The following SCN4B variants were observed in gnomAD, a reference collection of about 807,000 sequenced individuals.
SCN4B encodes the protein sodium channel regulatory subunit beta-4.
A neutral mutation model predicts 19.6 loss-of-function variants in SCN4B; 20 were observed. The ratio of observed to expected loss-of-function variants is 1.02; its 90% CI spans 0.72 to 1.48. SCN4B has a LOEUF of 1.48. SCN4B is among the 40% of genes most tolerant of loss of function. SCN4B has a pLI of 0.00. For missense variants in SCN4B, 271 were observed against 287.5 expected (o/e 0.94, Z 0.42); for synonymous variants, 127 against 122.8 (o/e 1.03, Z -0.22).
chr11:118,152,563 T>C, intron 1 of SCN4B, 50 bp downstream of exon 1: 1 of 1,496,778 alleles, frequency 6.7e-7, no homozygotes, highest in South Asian at 1.1e-5. Flanking sequence ...TGTCCCCTTC[T>C]TTGGGGGTGG....
At chr11:118,152,534 A>T (rs1420418138) in intron 1 of SCN4B, 79 bp downstream of exon 1, 1 of 1,254,324 alleles carries the variant, frequency 8.0e-7, no homozygotes, top group Admixed American at 1.8e-5. Flanking sequence ...ACCCCATCCA[A>T]GGCATCTTCC....
In SCN4B at chr11:118,135,937, C is replaced by A; in HGVS notation, c.*1090G>T. On this transcript the variant is annotated 3_prime_UTR_variant, in exon 5 of 5. Transcript: ENST00000324727. ...GAAGCAGCTGGGAAACCCAAGGACC[C>A]CCTCATCCAAAGGAAGAGAGTCCCT... The A allele has an allele frequency of 2.2e-6, 1 of 454,352 alleles. No homozygotes were observed. Among genetic ancestry groups the A allele is most frequent in the Non-Finnish European group, 4.4e-6 (1 of 226,726 alleles). The allele number at this position is 454,352 out of a possible 1,614,324, so 28.1% of individuals were successfully genotyped here. A position where few individuals can be genotyped will look rare whatever the true frequency, so the allele number is the denominator to read the frequency against.
chr11:118,145,456 C>T (rs1320463504), intron 1 of SCN4B: 13 of 1,462,918 alleles, frequency 8.9e-6, no homozygotes, highest in Non-Finnish European at 1.1e-5. Flanking sequence ...AGGGAGTAGC[C>T]CTTGTTGCGC....
At position 118,144,077 on chromosome 11, in the gene SCN4B, A is replaced by G. The variant is rs750968930; in HGVS notation, c.235-16T>C. On this transcript the variant is annotated splice_polypyrimidine_tract_variant and intron_variant, in intron 2 of 4. Coordinates refer to ENST00000324727, the MANE Select transcript of SCN4B (RefSeq NM_174934.4). ...CCTCTATGAGCTGGTGGAGGAAGGG[A>G]GTTGGGGTGAGAAAGTAGCCGAGAA... 1.3e-6 allele frequency: 2 copies of G among 1,559,264 alleles called. No individual in the cohort carries two copies. The highest frequency in any genetic ancestry group is 2.2e-5 in the South Asian group (2 of 90,018).
At chr11:118,145,601 G>C in intron 1 of SCN4B, 1 of 547,208 alleles carries the variant, frequency 1.8e-6, no homozygotes, top group Non-Finnish European at 2.8e-6. Context: ...ACTCCAGGAC[G>C]CGCAGGGCGG....
Position 118,152,796 on chromosome 11 carries a change from G to C in SCN4B, c.-123C>G. The C allele has an allele frequency of 2.9e-6, 2 of 700,234 alleles. No individual in the cohort carries two copies. The highest frequency in any genetic ancestry group is 2.3e-6 in the Non-Finnish European group (1 of 444,354). The allele number at this position is 700,234 out of a possible 1,614,324, so 43.4% of individuals were successfully genotyped here. A position where few individuals can be genotyped will look rare whatever the true frequency, so the allele number is the denominator to read the frequency against. On this transcript the variant is annotated 5_prime_UTR_variant, in exon 1 of 5. Transcript: ENST00000324727. ...CCCGGAGCTCTGCGCCGCCGGTCGG[G>C]GCTCGGGAAAGTTAGCGGGCAGAGA...
intron 1 of SCN4B, among the ~76,000 whole-genome samples, chr11:118,149,191 T>C (rs642936): frequency 0.43 from 64,858 of 152,042 alleles, 13,988 homozygotes; most frequent in African/African-American, 0.49. Context: ...GCAGCTACCA[T>C]ATATCCCAAG....
At chr11:118,149,089 G>C (rs1388786940) in intron 1 of SCN4B, among the ~76,000 whole-genome samples, 1 of 152,102 alleles carries the variant, frequency 6.6e-6, no homozygotes, top group Non-Finnish European at 1.5e-5. Flanking sequence ...TTTTGTCTGA[G>C]GACTGACTCA....
chr11:118,145,492 C>T (rs908300517), intron 1 of SCN4B: 63 of 1,382,670 alleles, frequency 4.6e-5, no homozygotes, highest in Non-Finnish European at 5.7e-5. Context: ...GGGGTCACCC[C>T]AACCCAAGGA....
At position 118,134,976 on chromosome 11, in the gene SCN4B, T is replaced by G. The variant is rs536296339; in HGVS notation, c.*2051A>C. 1.5e-5 allele frequency: 7 copies of G among 454,008 alleles called. No homozygotes were observed. The highest frequency in any genetic ancestry group is 1.0e-4 in the African/African-American group (5 of 50,096). 28.1% of individuals were successfully genotyped at this position (454,008 alleles called of 1,614,324 possible). On this transcript the variant is annotated 3_prime_UTR_variant, in exon 5 of 5. Transcript: ENST00000324727. ...GGGGAGGAAAGAGAGGATGGTGCCC[T>G]TCTTCTCCCTACTCTACGTGCCTTG...
In SCN4B at chr11:118,152,653, T is replaced by C. The variant is rs1332884912; in HGVS notation, c.21A>G (p.Gly7=). The C allele has an allele frequency of 3.7e-6, 6 of 1,611,162 alleles. No individual in the cohort carries two copies. The African/African-American group carries it at 8.0e-5, about 22-fold the overall frequency. The change falls in exon 1 of 5, where the codon GGA becomes GGG. Residue 7 remains glycine, a synonymous_variant. Coordinates refer to ENST00000324727, the MANE Select transcript of SCN4B (RefSeq NM_174934.4). ...CCAGCCATCTCGCCGGGGCTTTGCC[T>C]CCGTCCCCAGCCCCGGGCATAGTCC... The part of the protein sequence containing the change: MPGAGD[G]GKAPARWLGT...
intron 3 of SCN4B, 78 bp from the exon 4 acceptor site, chr11:118,141,414 G>T: frequency 6.3e-7 from 1 of 1,578,020 alleles, no homozygotes; most frequent in Non-Finnish European, 8.7e-7. Context: ...CTGTGGCAGT[G>T]CAAGGGCCAT....
At chr11:118,140,012 T>C (rs762182526) in intron 4 of SCN4B, among the ~76,000 whole-genome samples, 4 of 151,730 alleles carry the variant, frequency 2.6e-5, no homozygotes, top group Non-Finnish European at 5.9e-5. Flanking sequence ...AGCTGGGACT[T>C]CAGGCACACA....
Position 118,136,344 on chromosome 11 carries a change from G to A in SCN4B, c.*683C>T, listed in dbSNP as rs923799827. ...CCTCAGTAACCCAGAGAGCAGAGGA[G>A]CAGGCTAGGTGGCCAGGAACCCTCA... On this transcript the variant is annotated 3_prime_UTR_variant, in exon 5 of 5. Coordinates refer to ENST00000324727, the MANE Select transcript of SCN4B (RefSeq NM_174934.4). The A allele has an allele frequency of 6.6e-6, 3 of 453,812 alleles. No individual in the cohort carries two copies. Among genetic ancestry groups the A allele is most frequent in the African/African-American group, 4.0e-5 (2 of 49,916 alleles). 28.1% of individuals were successfully genotyped at this position (453,812 alleles called of 1,614,324 possible).
Position 118,148,899 on chromosome 11 carries a change from A to T in SCN4B, c.62-3670T>A, listed in dbSNP as rs1948209145. The stretch of plus-strand genomic sequence containing the variant: ...TAAAGTGTACGTGTGTGTGTGTGTG[A>T]GAGTGGGGGGCCTCTTTCCGGCATT... On this transcript the variant is annotated intron_variant, in intron 1 of 4. Coordinates refer to ENST00000324727, the MANE Select transcript of SCN4B (RefSeq NM_174934.4). The surrounding 1 kb of genome is among the most constrained non-coding windows in gnomAD (Gnocchi z 4.0). Among the ~76,000 whole-genome samples, 1 of 151,950 alleles carries T rather than the reference A, an allele frequency of 6.6e-6. No homozygotes were observed.
At chr11:118,145,032 T>G (rs760299049) in intron 2 of SCN4B, 25 bp downstream of exon 2, 1 of 1,611,918 alleles carries the variant, frequency 6.2e-7, no homozygotes, top group Non-Finnish European at 8.5e-7. Context: ...GGCTGGGCTG[T>G]ACTGTTCTTC....
chr11:118,143,008 GA>G (rs1422791977), intron 3 of SCN4B: 1 of 152,260 alleles, frequency 6.6e-6, no homozygotes. Context: ...TGTCATCCAG[GA>G]GAGCAGCAAA....
At chr11:118,141,377 G>C in intron 3 of SCN4B, 41 bp from the exon 4 acceptor site, 1 of 1,611,690 alleles carries the variant, frequency 6.2e-7, no homozygotes, top group East Asian at 2.2e-5. Flanking sequence ...GGCACAAAGG[G>C]AGCAAGAGTC....
rs757744268 is a variant in SCN4B, at chr11:118,135,657, T to C, written c.*1370A>G. The stretch of plus-strand genomic sequence containing the variant: ...CAGTCACTGGCCAATTCCAGCCTCA[T>C]GGCCCCCTCTATGACCCTGGGGAGG... On this transcript the variant is annotated 3_prime_UTR_variant, in exon 5 of 5. Coordinates refer to ENST00000324727, the MANE Select transcript of SCN4B (RefSeq NM_174934.4). 2 of 454,274 alleles carry C rather than the reference T, an allele frequency of 4.4e-6. No individual in the cohort carries two copies. Among genetic ancestry groups the C allele is most frequent in the East Asian group, 7.0e-5 (1 of 14,354 alleles). 28.1% of individuals were successfully genotyped at this position (454,274 alleles called of 1,614,324 possible).
Sources: allele counts gnomAD v4.1 joint callset (sites outside exome capture counted in the v4.1 genomes callset), GRCh38; gene constraint gnomAD v4.1.1; non-coding constraint Gnocchi (gnomAD v3.1); transcripts MANE v1.5; gene names NCBI Gene and HGNC (gene_info 2026-07-23, HGNC 2026-07-21).